The following PFKFB3 variants were observed in gnomAD, a reference collection of about 807,000 sequenced individuals.
The protein encoded by PFKFB3 is 6-phosphofructo-2-kinase/fructose-2,6-biphosphatase 3, also known as 6-phosphofructo-2-kinase/fructose-2,6-bisphosphatase 3.
A neutral mutation model predicts 68.0 loss-of-function variants in PFKFB3; 33 were observed. That is an observed-to-expected ratio of 0.49 (90% confidence interval 0.37 to 0.65). The LOEUF (loss-of-function observed/expected upper bound fraction) is 0.65. PFKFB3 is among the 30% of genes least tolerant of loss of function. PFKFB3 has a pLI of 0.00. For missense variants in PFKFB3, 586 were observed against 712.2 expected (o/e 0.82, Z 2.02); for synonymous variants, 315 against 288.2 (o/e 1.09, Z -0.94).
chr10:6,206,735 A>G lies in PFKFB3; in HGVS notation c.76+3399A>G, dbSNP rs1194638255. Among the ~76,000 whole-genome samples the G allele has an allele frequency of 7.4e-4, 107 of 145,302 alleles. 1 individual carries two copies. Among genetic ancestry groups the G allele is most frequent in the Middle Eastern group, 7.6e-3 (2 of 264 alleles). ...TCACTGCCTAGATGGGATGGCGGCC[A>G]GGAAGAGGCGCTCCTCACTTTCCAG... On this transcript the variant is annotated intron_variant, in intron 1 of 14. Transcript: ENST00000379775.
At chr10:6,178,785 G>A (rs900559521) in intron 1 of PFKFB3, among the ~76,000 whole-genome samples, 2 of 152,240 alleles carry the variant, frequency 1.3e-5, no homozygotes, top group Non-Finnish European at 2.9e-5. Context: ...AGGGCCTGGG[G>A]TGTGTCCAGC....
chr10:6,291,989 T>G, the PFKFB3 span, among the ~76,000 whole-genome samples: 2 of 139,124 alleles, frequency 1.4e-5, no homozygotes, highest in South Asian at 5.4e-4. Flanking sequence ...AGTCTCACTC[T>G]GTTGCTTAGG....
intron 1 of PFKFB3, among the ~76,000 whole-genome samples, chr10:6,211,734 AG>A (rs765992263): frequency 2.0e-5 from 3 of 152,218 alleles, no homozygotes; most frequent in Non-Finnish European, 2.9e-5. Context: ...TGTTTGTTCT[AG>A]GTCACTGGAC....
intron 11 of PFKFB3, 43 bp downstream of exon 11, chr10:6,223,027 G>C (rs1564636607): frequency 6.3e-7 from 1 of 1,592,988 alleles, no homozygotes. Flanking sequence ...GGGAGGAGGG[G>C]ACTGGCACTC....
intron 1 of PFKFB3, among the ~76,000 whole-genome samples, chr10:6,179,906 G>A (rs1842659357): frequency 1.3e-5 from 2 of 152,180 alleles, no homozygotes; most frequent in South Asian, 4.1e-4. Context: ...TGACACCCAA[G>A]CATGTAACTA....
chr10:6,179,570 G>A (rs991624476), intron 1 of PFKFB3, among the ~76,000 whole-genome samples: 3 of 152,208 alleles, frequency 2.0e-5, no homozygotes, highest in Non-Finnish European at 4.4e-5. Context: ...ATGGTGGGAT[G>A]TTGCTGTCCA....
chr10:6,304,046 A>G, the PFKFB3 span, among the ~76,000 whole-genome samples: 5 of 152,160 alleles, frequency 3.3e-5, no homozygotes, highest in Non-Finnish European at 7.4e-5. Flanking sequence ...TGGAGAAGCC[A>G]TCAACACAGA....
the PFKFB3 span, among the ~76,000 whole-genome samples, chr10:6,302,362 GTTTTTTTTTTTTTTTTTT>G: frequency 5.1e-5 from 4 of 78,516 alleles, no homozygotes; most frequent in Admixed American, 4.5e-4. Context: ...TGCCTGGCCA[GTTTTTTTTTTTTTTTTTT>G]TTTTTTTTTT....
chr10:6,308,656 AC>A, the PFKFB3 span, among the ~76,000 whole-genome samples: 2 of 151,348 alleles, frequency 1.3e-5, no homozygotes, highest in Non-Finnish European at 2.9e-5. Context: ...TTTAAAAAAA[AC>A]ATTTGCTGCC....
At chr10:6,299,743 T>C in the PFKFB3 span, among the ~76,000 whole-genome samples, 1 of 152,188 alleles carries the variant, frequency 6.6e-6, no homozygotes, top group East Asian at 1.9e-4. Context: ...GCTCCCTGGC[T>C]AACTTCTACC....
chr10:6,175,781 A>G (rs753325735), intron 1 of PFKFB3, among the ~76,000 whole-genome samples: 9 of 152,238 alleles, frequency 5.9e-5, no homozygotes, highest in Non-Finnish European at 1.3e-4. Flanking sequence ...TAATTATTCA[A>G]GAGATGCAAA....
chr10:6,225,418 G>A (rs114223559), intron 13 of PFKFB3, among the ~76,000 whole-genome samples: 1 of 152,314 alleles, frequency 6.6e-6, no homozygotes, highest in African/African-American at 2.4e-5. Context: ...GTGGGTCACC[G>A]GATGCTGTCC....
At chr10:6,283,974 C>T in the PFKFB3 span, among the ~76,000 whole-genome samples, 1 of 152,128 alleles carries the variant, frequency 6.6e-6, no homozygotes, top group Non-Finnish European at 1.5e-5. Flanking sequence ...ATTGCAGCCC[C>T]CAGCTCACGG....
the PFKFB3 span, among the ~76,000 whole-genome samples, chr10:6,277,526 G>T: frequency 6.6e-6 from 1 of 152,066 alleles, no homozygotes; most frequent in Non-Finnish European, 1.5e-5. Context: ...CGGCCGTGGG[G>T]GTGGTTTCTA....
At chr10:6,270,682 C>T in the PFKFB3 span, among the ~76,000 whole-genome samples, 1 of 152,184 alleles carries the variant, frequency 6.6e-6, no homozygotes, top group Non-Finnish European at 1.5e-5. Flanking sequence ...GTCATGGCAT[C>T]AAGGAGTCTT....
At chr10:6,179,622 G>A (rs571208512) in intron 1 of PFKFB3, among the ~76,000 whole-genome samples, 25 of 152,284 alleles carry the variant, frequency 1.6e-4, no homozygotes, top group Non-Finnish European at 2.2e-4. Flanking sequence ...CAGGAGGACT[G>A]CAGGCAAGAG....
chr10:6,177,444 C>CTTTCTTTCTTTCTTTCTT (rs1241306030), intron 1 of PFKFB3, among the ~76,000 whole-genome samples: 1 of 108,432 alleles, frequency 9.2e-6, no homozygotes, highest in African/African-American at 3.4e-5. Flanking sequence ...CTTTCTCTTT[C>CTTTCTTTCTTTCTTTCTT]TTTCTTTCTT....
At chr10:6,206,561 G>A (rs1843720520) in intron 1 of PFKFB3, among the ~76,000 whole-genome samples, 3 of 63,428 alleles carry the variant, frequency 4.7e-5, no homozygotes, top group African/African-American at 6.2e-5. Flanking sequence ...TCCCGGACGG[G>A]GCGGCTGGCC....
In PFKFB3 at chr10:6,228,401, G is replaced by A. The variant is rs977906754; in HGVS notation, c.1515+2036G>A. The A allele has an allele frequency of 1.2e-5, 8 of 688,052 alleles. No homozygotes were observed. The highest frequency in any genetic ancestry group is 3.5e-5 in the African/African-American group (2 of 56,994). 42.6% of individuals were successfully genotyped at this position (688,052 alleles called of 1,614,324 possible). On this transcript the variant is annotated intron_variant, in intron 14 of 14. Transcript: ENST00000379775. The surrounding 1 kb of genome is among the most constrained non-coding windows in gnomAD (Gnocchi z 4.5). ...GATTCCTGAATGTTTTTGGAAAAGC[G>A]TGCAGGCGGTCATGGTGGCTGCACT...
Sources: gnomAD v4.1 joint callset for allele counts (sites outside exome capture counted in the v4.1 genomes callset) on GRCh38, gnomAD v4.1.1 for gene constraint, Gnocchi (gnomAD v3.1) non-coding constraint, MANE v1.5 for transcripts, NCBI Gene and HGNC (gene_info 2026-07-23, HGNC 2026-07-21) for gene names.